The following UNC79 variants were observed in gnomAD, a reference collection of about 807,000 sequenced individuals.
The protein encoded by UNC79 is unc-79 subunit of NALCN channel complex.
In UNC79, 37 loss-of-function variants were observed where a neutral mutation model predicts 283.1. The ratio of observed to expected loss-of-function variants is 0.13; its 90% CI spans 0.10 to 0.17. UNC79 has a LOEUF of 0.17. Ranked by LOEUF, UNC79 falls within the 10% of genes least tolerant of loss-of-function variation. UNC79 has a pLI of 1.00. For synonymous variants in UNC79, 1,107 were observed against 1,200.2 expected, an observed-to-expected ratio of 0.92 and a Z score of 1.61; for missense variants, 2,272 against 3,211.1, an observed-to-expected ratio of 0.71 and a Z score of 7.07.
intron 1 of UNC79, among the ~76,000 whole-genome samples, chr14:93,402,218 A>C (rs2055122142): frequency 7.1e-6 from 1 of 140,172 alleles, no homozygotes; most frequent in African/African-American, 2.7e-5. Context: ...CGGAGATTGC[A>C]CTGAGCTGAG....
chr14:93,639,867 C>T (rs1275988110), intron 32 of UNC79, among the ~76,000 whole-genome samples: 1 of 152,166 alleles, frequency 6.6e-6, no homozygotes, highest in Non-Finnish European at 1.5e-5. Context: ...AATCATTCTC[C>T]TATTTGAGGA....
At chr14:93,685,635 G>A (rs1053822985) in intron 42 of UNC79, among the ~76,000 whole-genome samples, 1 of 152,176 alleles carries the variant, frequency 6.6e-6, no homozygotes, top group Non-Finnish European at 1.5e-5. Context: ...GGGTGAGCTA[G>A]TTAAGTCTAT....
chr14:93,540,695 G>A (rs762078553), exon 13 of UNC79: 17 of 1,613,690 alleles, frequency 1.1e-5, no homozygotes, highest in Middle Eastern at 1.7e-4. Context: ...GCTGAGCAGC[G>A]AGAACATGAG....
intron 20 of UNC79, among the ~76,000 whole-genome samples, chr14:93,585,790 T>G (rs2064177251): frequency 6.6e-6 from 1 of 152,154 alleles, no homozygotes; most frequent in African/African-American, 2.4e-5. Flanking sequence ...CATCTGAATA[T>G]GTTCAACTGT....
chr14:93,580,117 T>A, intron 18 of UNC79, 32 bp from the exon 19 acceptor site: 1 of 1,562,732 alleles, frequency 6.4e-7, no homozygotes, highest in Non-Finnish European at 8.7e-7. Flanking sequence ...TTTGTGTGTG[T>A]GTGCGTGTGT....
chr14:93,433,446 C>T, intron 1 of UNC79, among the ~76,000 whole-genome samples: 1 of 152,052 alleles, frequency 6.6e-6, no homozygotes, highest in East Asian at 1.9e-4. Flanking sequence ...TCATGAAGGA[C>T]AAATACTTTT....
At chr14:93,448,649 G>A (rs2056539825) in intron 1 of UNC79, among the ~76,000 whole-genome samples, 2 of 152,156 alleles carry the variant, frequency 1.3e-5, no homozygotes, top group African/African-American at 4.8e-5. Flanking sequence ...CCACCGATGA[G>A]GTGTTGTTTC....
intron 14 of UNC79, among the ~76,000 whole-genome samples, chr14:93,563,997 G>GGAT (rs1349548690): frequency 6.6e-6 from 1 of 151,958 alleles, no homozygotes; most frequent in African/African-American, 2.4e-5. Flanking sequence ...GAAAGTATTA[G>GGAT]GGCAGTGGCA....
In UNC79 at chr14:93,465,341, A is replaced by G. The variant is rs2057130148; in HGVS notation, c.23-2330A>G. ...TTCATTTGTTAATTTAATCCTATGA[A>G]TATATTGAGTCCCTACTAAGTGCCA... On this transcript the variant is annotated intron_variant, in intron 1 of 48. Transcript: ENST00000555664. Among the ~76,000 whole-genome samples, 3 of 152,186 alleles carry G rather than the reference A, an allele frequency of 2.0e-5. No individual in the cohort carries two copies. In the South Asian group the frequency reaches 6.2e-4, roughly 32 times the overall value.
chr14:93,579,528 C>G (rs938540574), intron 18 of UNC79, among the ~76,000 whole-genome samples: 2 of 152,144 alleles, frequency 1.3e-5, no homozygotes, highest in East Asian at 3.8e-4. Flanking sequence ...CCCGCAGTGC[C>G]CATGGATTTT....
intron 14 of UNC79, among the ~76,000 whole-genome samples, chr14:93,560,627 G>A (rs1047267821): frequency 6.6e-6 from 1 of 151,706 alleles, no homozygotes; most frequent in African/African-American, 2.4e-5. Context: ...GTCATGAGGG[G>A]AACAGGGAGC....
intron 30 of UNC79, among the ~76,000 whole-genome samples, chr14:93,629,475 A>G (rs747726544): frequency 1.3e-5 from 2 of 152,174 alleles, no homozygotes; most frequent in Non-Finnish European, 2.9e-5. Flanking sequence ...AACATTAGTC[A>G]TTATGCTTTA....
intron 1 of UNC79, among the ~76,000 whole-genome samples, chr14:93,359,179 A>G (rs1006651923): frequency 3.3e-5 from 5 of 152,194 alleles, no homozygotes; most frequent in African/African-American, 1.2e-4. Context: ...TAGCTGAAAT[A>G]TGGATTAAAA....
intron 47 of UNC79, among the ~76,000 whole-genome samples, chr14:93,695,187 C>A (rs1243104020): frequency 3.9e-5 from 6 of 151,924 alleles, no homozygotes. Flanking sequence ...TCTTGTATTT[C>A]TTTATCTTTC....
intron 35 of UNC79, among the ~76,000 whole-genome samples, chr14:93,652,738 G>C (rs2070425639): frequency 6.6e-6 from 1 of 152,104 alleles, no homozygotes; most frequent in African/African-American, 2.4e-5. Context: ...GACCCTACTT[G>C]GTCTTTTAAT....
chr14:93,643,609 C>T, exon 34 of UNC79: 2 of 1,613,694 alleles, frequency 1.2e-6, no homozygotes, highest in East Asian at 4.5e-5. Flanking sequence ...GACACTTGGG[C>T]TAGCCATCGT....
At chr14:93,483,702 A>G (rs1454686134) in intron 4 of UNC79, among the ~76,000 whole-genome samples, 1 of 114,712 alleles carries the variant, frequency 8.7e-6, no homozygotes, top group East Asian at 3.0e-4. Flanking sequence ...CCCACGACAC[A>G]TGAGAGGCCC....
intron 15 of UNC79, 77 bp from the exon 16 acceptor site, chr14:93,572,615 GT>G: frequency 6.3e-7 from 1 of 1,578,304 alleles, no homozygotes; most frequent in Non-Finnish European, 8.6e-7. Flanking sequence ...ATAGGGAATA[GT>G]TAGAAAGACG....
chr14:93,608,612 G>T (rs987541379), intron 26 of UNC79, among the ~76,000 whole-genome samples: 1 of 152,180 alleles, frequency 6.6e-6, no homozygotes, highest in Admixed American at 6.5e-5. Flanking sequence ...AGCTGCCTGT[G>T]GAATGGAACC....
Sources: allele counts gnomAD v4.1 joint callset (sites outside exome capture counted in the v4.1 genomes callset), GRCh38; gene constraint gnomAD v4.1.1; transcripts MANE v1.5; gene names NCBI Gene and HGNC (gene_info 2026-07-23, HGNC 2026-07-21).